Variants in MUC4 observed in about 807,000 individuals in gnomAD.
The protein encoded by MUC4 is mucin-4.
A neutral mutation model predicts 257.9 loss-of-function variants in MUC4; 202 were observed. That is an observed-to-expected ratio of 0.78 (90% CI 0.70 to 0.88). MUC4 has a LOEUF of 0.88. Ranked by LOEUF, MUC4 falls within the 40% of genes least tolerant of loss-of-function variation. The probability of loss-of-function intolerance (pLI) is 0.00; values close to 1 mark genes in which losing one functional copy is unlikely to be tolerated. For missense variants in MUC4, 5,976 were observed against 6,513.7 expected (o/e 0.92, Z 2.84); for synonymous variants, 2,351 against 2,757.1 (o/e 0.85, Z 4.62).
chr3:195,795,195 C>T (rs1314867404), intron 1 of MUC4, among the ~76,000 whole-genome samples: 2 of 152,090 alleles, frequency 1.3e-5, no homozygotes, highest in African/African-American at 2.4e-5. Context: ...TAATTAAGAG[C>T]ATTTGTCTAT....
intron 1 of MUC4, 102 bp from the exon 2 acceptor site, chr3:195,791,599 A>G (rs552880993): frequency 2.9e-5 from 22 of 759,366 alleles, no homozygotes; most frequent in Middle Eastern, 3.9e-4. Context: ...ACAGCTAACA[A>G]AGGATGTGAA....
chr3:195,781,310 G>C lies in MUC4; in HGVS notation c.10270C>G (p.Pro3424Ala), dbSNP rs570953070. The C allele has an allele frequency of 1.4e-5, 20 of 1,431,082 alleles. No individual in the cohort carries two copies. The African/African-American group carries it at 2.5e-4, about 18-fold the overall frequency. 88.6% of individuals were successfully genotyped at this position (1,431,082 alleles called of 1,614,324 possible). A position where few individuals can be genotyped will look rare whatever the true frequency, so the allele number is the denominator to read the frequency against. ...GAGGAAGTGCTGGTGACAGGAAGAG[G>C]GGTGGCGTGACCTGTGGATGCTGAG... ...PSSASTGHAT[P>A]LPVTSTSSAS... is the part of the protein sequence containing the mutation. Residue 3424 changes from proline (P) to alanine (A), a missense_variant, in exon 2 of 25, where the codon CCT becomes GCT. Transcript: ENST00000463781.
At position 195,763,502 on chromosome 3, in the gene MUC4, G is replaced by T; in HGVS notation, c.14184C>A (p.Gly4728=). 1 of 1,543,900 alleles carries T rather than the reference G, an allele frequency of 6.5e-7. No homozygotes were observed. Among genetic ancestry groups the T allele is most frequent in the Admixed American group, 2.0e-5 (1 of 51,016 alleles). The part of the protein sequence containing the change: ...FLLQGRTAQT[G]SAQATNFIAF... ...CGATGAAGTTGGTGGCCTGGGCTGA[G>T]CCAGTCTGGGCGGTGCGGCCCTGAA... is the stretch of plus-strand genomic sequence containing the variant. The change falls in exon 12 of 25, where the codon GGC becomes GGA. Residue 4728 remains glycine (G), a synonymous_variant. Coordinates refer to ENST00000463781, the MANE Select transcript of MUC4 (RefSeq NM_018406.7).
chr3:195,753,426 T>C, intron 19 of MUC4, 196 bp from the exon 20 acceptor site: 1 of 581,602 alleles, frequency 1.7e-6, no homozygotes, highest in East Asian at 3.1e-5. Flanking sequence ...CAGACAGGTA[T>C]TCTTCCACTT....
intron 16 of MUC4, 54 bp from the exon 17 acceptor site, chr3:195,759,315 T>A: frequency 6.3e-7 from 1 of 1,594,708 alleles, no homozygotes; most frequent in South Asian, 1.1e-5. Flanking sequence ...TCCTGCTTTA[T>A]CAGCCTCCTC....
At position 195,782,007 on chromosome 3, in the gene MUC4, G is replaced by A. The variant is rs1198065679; in HGVS notation, c.9573C>T (p.Ser3191=). The A allele has an allele frequency of 6.6e-7, 1 of 1,513,872 alleles. No individual in the cohort carries two copies. The highest frequency in any genetic ancestry group is 8.8e-7 in the Non-Finnish European group (1 of 1,131,956). 93.8% of individuals were successfully genotyped at this position (1,513,872 alleles called of 1,614,324 possible). A position where few individuals can be genotyped will look rare whatever the true frequency, so the allele number is the denominator to read the frequency against. ...DTTPLPVTSP[S]SASTGHATPL... is the part of the protein sequence containing the mutation. ...GAGTGGCGTGACCTGTGGATGCTGA[G>A]GAAGGGCTAGTGACAGGAAGAGGCG... Residue 3191 remains serine (S), a synonymous_variant, in exon 2 of 25, where the codon TCC becomes TCT. Transcript: ENST00000463781.
intron 1 of MUC4, among the ~76,000 whole-genome samples, chr3:195,793,315 G>A (rs1484296766): frequency 6.6e-6 from 1 of 151,276 alleles, no homozygotes; most frequent in Non-Finnish European, 1.5e-5. Context: ...TGGGCAATAT[G>A]GCAAAACCCC....
In MUC4 at chr3:195,751,276, G is replaced by A. The variant is rs776111990; in HGVS notation, c.15583-5C>T. The A allele has an allele frequency of 6.2e-7, 1 of 1,601,760 alleles. No homozygotes were observed. Among genetic ancestry groups the A allele is most frequent in the Non-Finnish European group, 8.5e-7 (1 of 1,174,318 alleles). ...GGTCCCCAGTCTGTATGCCACCTAG[G>A]TTAGAGGATGGCAGATGGGGGTGGG... On this transcript the variant is annotated splice_region_variant and splice_polypyrimidine_tract_variant and intron_variant, in intron 21 of 24. Transcript: ENST00000463781.
intron 1 of MUC4, 103 bp downstream of exon 1, chr3:195,811,629 ATTCT>A: frequency 1.1e-6 from 1 of 875,698 alleles, no homozygotes; most frequent in Non-Finnish European, 1.8e-6. Context: ...CCTTTCCCCT[ATTCT>A]CTCTCTCTCT....
chr3:195,788,834 T>G lies in MUC4; in HGVS notation c.2746A>C (p.Ser916Arg). The change falls in exon 2 of 25, where the codon AGC becomes CGC. Residue 916 changes from serine to arginine, a missense_variant. By Grantham distance (110) the Ser-to-Arg change is moderately radical (BLOSUM62 -1). Transcript: ENST00000463781. ...AGGCTGATAGTGTCAGACCCTCTGCTGGTTCTTGTCCTCTGAGTCTGGGCC... is the reference window on the plus strand; with the variant it reads ...AGGCTGATAGTGTCAGACCCTCTGCGGGTTCTTGTCCTCTGAGTCTGGGCC... Reference protein sequence around the residue: ...RMAQTQRTRTSRGSDTISLAS... With the variant: ...RMAQTQRTRTRRGSDTISLAS... 1 of 1,613,900 alleles carries G rather than the reference T, an allele frequency of 6.2e-7. No individual in the cohort carries two copies.
chr3:195,760,893 C>T lies in MUC4; in HGVS notation c.14839G>A (p.Ala4947Thr), dbSNP rs1248765989. The change falls in exon 16 of 25, where the codon GCC becomes ACC. Residue 4947 changes from alanine (A) to threonine (T), a missense_variant. This residue lies in a region of MUC4 where 996 missense variants were observed against 1,137.3 expected (regional missense o/e 0.88). Transcript: ENST00000463781. ...GCCTCGGGCCACTTACTGAGGGTGG[C>T]GTTCGCCTGCTCGTAGTTTTTACTG... Reference protein sequence around the residue: ...EVSKNYEQANATLNQYPPSIN... With the variant: ...EVSKNYEQANTTLNQYPPSIN... 7 of 1,614,038 alleles carry T rather than the reference C, an allele frequency of 4.3e-6. No homozygotes were observed. The highest frequency in any genetic ancestry group is 5.1e-6 in the Non-Finnish European group (6 of 1,180,006).
chr3:195,764,009 C>T, intron 11 of MUC4, 36 bp downstream of exon 11: 1 of 1,592,176 alleles, frequency 6.3e-7, no homozygotes, highest in Non-Finnish European at 8.6e-7. Context: ...TCCCCCTCCC[C>T]AGAGGCTCTT....
intron 7 of MUC4, among the ~76,000 whole-genome samples, chr3:195,767,898 T>TCACCACCACCAC (rs1204867152): frequency 4.0e-5 from 3 of 75,078 alleles, no homozygotes; most frequent in Non-Finnish European, 4.9e-5. Context: ...ACCACCACCA[T>TCACCACCACCAC]CACCACCATC....
chr3:195,777,660 C>T (rs1263838038), intron 3 of MUC4, among the ~76,000 whole-genome samples: 216 of 58,686 alleles, frequency 3.7e-3, no homozygotes, highest in South Asian at 6.0e-3. Context: ...CCTTCCACAC[C>T]CATACCTTCC....
At chr3:195,811,445 T>C (rs1180632741) in intron 1 of MUC4, among the ~76,000 whole-genome samples, 1 of 152,104 alleles carries the variant, frequency 6.6e-6, no homozygotes, top group Non-Finnish European at 1.5e-5. Context: ...AGTGCTGGGA[T>C]TACAGGCATG....
rs55873586 is a variant in MUC4, at chr3:195,760,927, C to A, written c.14805G>T (p.Thr4935=). The change falls in exon 16 of 25, where the codon ACG becomes ACT. Residue 4935 remains threonine, a synonymous_variant. Coordinates refer to ENST00000463781, the MANE Select transcript of MUC4 (RefSeq NM_018406.7). The stretch of plus-strand genomic sequence containing the variant: ...GCTCGTAGTTTTTACTGACTTCCCT[C>A]GTGTGAAGTCCGATGCTTGCGTTGC... ...ALRNASIGLH[T]REVSKNYEQA... 1 of 1,614,162 alleles carries A rather than the reference C, an allele frequency of 6.2e-7. No individual in the cohort carries two copies. Among genetic ancestry groups the A allele is most frequent in the Admixed American group, 1.7e-5 (1 of 60,028 alleles).
At position 195,765,322 on chromosome 3, in the gene MUC4, AGG is replaced by A. The variant is rs1371089118; in HGVS notation, c.13744_13745del (p.Pro4582LeufsTer25). On this transcript the variant is annotated frameshift_variant, in exon 9 of 25. Coordinates refer to ENST00000463781, the MANE Select transcript of MUC4 (RefSeq NM_018406.7). LOFTEE classifies it high-confidence loss of function. ...PSWGWNQVSC[P>X]CSWQQGRRDL... ...CCCGTCGTCCCTGCTGCCAGGAACA[AGG>A]GCAGGAGACCTGGTTCCAGCCCCAG... is the stretch of plus-strand genomic sequence containing the variant. 6.2e-7 allele frequency: 1 copy of A among 1,613,738 alleles called. No individual in the cohort carries two copies. Among genetic ancestry groups the A allele is most frequent in the Non-Finnish European group, 8.5e-7 (1 of 1,179,994 alleles).
Position 195,772,564 on chromosome 3 carries a change from C to T in MUC4, c.13078-748G>A, listed in dbSNP as rs536024101. On this transcript the variant is annotated intron_variant, in intron 4 of 24. Coordinates refer to ENST00000463781, the MANE Select transcript of MUC4 (RefSeq NM_018406.7). Reference sequence around the variant, plus strand: ...AGGGGTGTAGACACCCTCTCTCCACCGCTCAGGGGTGTAGACACCCTCTCT... The same window carrying T: ...AGGGGTGTAGACACCCTCTCTCCACTGCTCAGGGGTGTAGACACCCTCTCT... Among the ~76,000 whole-genome samples the T allele has an allele frequency of 3.1e-4, 43 of 138,180 alleles. 2 individuals are homozygous for T. Among genetic ancestry groups the T allele is most frequent in the Admixed American group, 2.1e-4 (3 of 14,196 alleles). The allele number at this position is 138,180 out of a possible 152,430, so 90.7% of individuals were successfully genotyped here.
At position 195,781,141 on chromosome 3, in the gene MUC4, G is replaced by C; in HGVS notation, c.10439C>G (p.Ser3480Ter). ...AGGGGTGGTGTGACCTGTAGATGCT[G>C]AGGAAGGGCTGGTGACAGGAAGAGG... ...TTPLPVTSPS[S>*]ASTGHTTPLH... Residue 3480 changes from serine to a stop codon, truncating the protein, a stop_gained, in exon 2 of 25, where the codon TCA becomes TGA. Transcript: ENST00000463781. LOFTEE classifies it high-confidence loss of function. The C allele has an allele frequency of 2.0e-6, 3 of 1,470,184 alleles. No homozygotes were observed. Among genetic ancestry groups the C allele is most frequent in the Non-Finnish European group, 2.7e-6 (3 of 1,094,564 alleles). The allele number at this position is 1,470,184 out of a possible 1,614,324, so 91.1% of individuals were successfully genotyped here.
Sources: allele counts gnomAD v4.1 joint callset (sites outside exome capture counted in the v4.1 genomes callset), GRCh38; gene constraint gnomAD v4.1.1; regional missense constraint gnomAD v4.1.1; transcripts MANE v1.5; gene names NCBI Gene and HGNC (gene_info 2026-07-23, HGNC 2026-07-21).